YAP1: variants seen among roughly 807,000 people sequenced by gnomAD.
The protein encoded by YAP1 is transcriptional coactivator YAP1.
A neutral mutation model predicts 56.9 loss-of-function variants in YAP1; 5 were observed. The ratio of observed to expected loss-of-function variants is 0.09; its 90% CI spans 0.05 to 0.18. The LOEUF is 0.18. Ranked by LOEUF, YAP1 falls within the 10% of genes least tolerant of loss-of-function variation. The pLI, the probability that YAP1 is intolerant of heterozygous loss-of-function variation, is 1.00. For missense variants in YAP1, 539 were observed against 651.8 expected, an observed-to-expected ratio of 0.83 and a Z score of 1.88; for synonymous variants, 265 against 248.1, an observed-to-expected ratio of 1.07 and a Z score of -0.64.
At chr11:102,125,804 T>A (rs1944005376) in intron 2 of YAP1, among the ~76,000 whole-genome samples, 1 of 152,206 alleles carries the variant, frequency 6.6e-6, no homozygotes, top group Non-Finnish European at 1.5e-5. Flanking sequence ...TTATACTGTT[T>A]CTTTTTATAT....
intron 3 of YAP1, among the ~76,000 whole-genome samples, chr11:102,167,505 T>G (rs1591298137): frequency 1.3e-5 from 2 of 152,138 alleles, no homozygotes; most frequent in South Asian, 4.1e-4. Context: ...GAGGCCAAGG[T>G]GGGTGGATCA....
chr11:102,113,225 A>G (rs138421147), intron 1 of YAP1, among the ~76,000 whole-genome samples: 53 of 152,360 alleles, frequency 3.5e-4, no homozygotes, highest in Non-Finnish European at 7.1e-4. Context: ...TTTAAAAACT[A>G]TGCAAGATTA....
At chr11:102,129,881 C>T (rs558471511) in intron 2 of YAP1, among the ~76,000 whole-genome samples, 47 of 149,824 alleles carry the variant, frequency 3.1e-4, no homozygotes, top group African/African-American at 1.2e-3. Context: ...CAGCTCACTG[C>T]AACCTCCGCC....
chr11:102,223,041 C>T (rs529183129), intron 6 of YAP1, among the ~76,000 whole-genome samples: 2 of 151,560 alleles, frequency 1.3e-5, no homozygotes, highest in East Asian at 3.9e-4. Context: ...GTCAAGAGAT[C>T]GAGACCATCC....
intron 2 of YAP1, among the ~76,000 whole-genome samples, chr11:102,127,042 A>G (rs140487756): frequency 2.8e-4 from 42 of 152,366 alleles, no homozygotes; most frequent in African/African-American, 8.2e-4. Context: ...AAAGCATTCA[A>G]AAGGTGACTT....
chr11:102,136,798 T>C (rs541683624), intron 2 of YAP1, among the ~76,000 whole-genome samples: 25 of 152,264 alleles, frequency 1.6e-4, no homozygotes, highest in Non-Finnish European at 3.2e-4. Context: ...CCTCACTGAT[T>C]AGTGATTGCA....
At chr11:102,137,209 C>T (rs1347350891) in intron 2 of YAP1, among the ~76,000 whole-genome samples, 1 of 152,194 alleles carries the variant, frequency 6.6e-6, no homozygotes, top group Non-Finnish European at 1.5e-5. Flanking sequence ...GGACCTGAGG[C>T]AAGTCACATA....
chr11:102,217,316 T>C (rs1188402067), intron 6 of YAP1, among the ~76,000 whole-genome samples: 2 of 152,242 alleles, frequency 1.3e-5, no homozygotes, highest in Non-Finnish European at 2.9e-5. Flanking sequence ...GCAGTAAAAG[T>C]AGTCAGAAGT....
chr11:102,122,875 G>T (rs993214270), intron 2 of YAP1, among the ~76,000 whole-genome samples: 1 of 130,000 alleles, frequency 7.7e-6, no homozygotes. Flanking sequence ...TAGCCTGGGG[G>T]ACAAGAGCGA....
intron 8 of YAP1, 54 bp downstream of exon 8, chr11:102,227,635 C>T: frequency 8.5e-7 from 1 of 1,178,190 alleles, no homozygotes; most frequent in Non-Finnish European, 1.3e-6. Context: ...GATATGTTAT[C>T]ACCAGGTCTC....
intron 2 of YAP1, among the ~76,000 whole-genome samples, chr11:102,131,450 C>T (rs1394511315): frequency 6.6e-6 from 1 of 152,160 alleles, no homozygotes; most frequent in African/African-American, 2.4e-5. Flanking sequence ...TCTTGTTTGC[C>T]TTTTCATTGG....
At chr11:102,142,667 A>G (rs1318124639) in intron 2 of YAP1, among the ~76,000 whole-genome samples, 1 of 152,210 alleles carries the variant, frequency 6.6e-6, no homozygotes, top group Non-Finnish European at 1.5e-5. Flanking sequence ...GAAGTTTTGT[A>G]TGTGTCACTT....
Position 102,110,698 on chromosome 11 carries a change from G to C in YAP1, c.-151G>C, listed in dbSNP as rs1398657536. ...GCGCCGGGGCGGGGGATGCGGGGCC[G>C]CGGCGCAGCCCCCCGGCCCTGAGAG... On this transcript the variant is annotated 5_prime_UTR_variant, in exon 1 of 9. Coordinates refer to ENST00000282441, the MANE Select transcript of YAP1 (RefSeq NM_001130145.3). 5 of 607,288 alleles carry C rather than the reference G, an allele frequency of 8.2e-6. No homozygotes were observed. Among genetic ancestry groups the C allele is most frequent in the Non-Finnish European group, 1.1e-5 (5 of 445,556 alleles). The allele number at this position is 607,288 out of a possible 1,614,324, so 37.6% of individuals were successfully genotyped here. A position where few individuals can be genotyped will look rare whatever the true frequency, so the allele number is the denominator to read the frequency against.
At chr11:102,158,771 G>A (rs1018526311) in intron 2 of YAP1, among the ~76,000 whole-genome samples, 4 of 152,158 alleles carry the variant, frequency 2.6e-5, no homozygotes, top group Non-Finnish European at 4.4e-5. Context: ...CCTAAACTTT[G>A]AAGATAGGTA....
At position 102,110,868 on chromosome 11, in the gene YAP1, C is replaced by T. The variant is rs1025759993; in HGVS notation, c.20C>T (p.Pro7Leu). The T allele has an allele frequency of 2.8e-6, 4 of 1,416,224 alleles. No homozygotes were observed. The highest frequency in any genetic ancestry group is 3.0e-5 in the African/African-American group (2 of 66,854). 87.7% of individuals were successfully genotyped at this position (1,416,224 alleles called of 1,614,324 possible). The change falls in exon 1 of 9, where the codon CCG becomes CTG. Residue 7 changes from proline (P) to leucine (L), a missense_variant. Physicochemically the swap from Pro to Leu is moderately conservative, Grantham distance 98 (BLOSUM62 -3). Transcript: ENST00000282441. MDPGQQ[P>L]PPQPAPQGQG... ...GAAGCCATGGATCCCGGGCAGCAGC[C>T]GCCGCCTCAACCGGCCCCCCAGGGC... is the stretch of plus-strand genomic sequence containing the variant.
intron 4 of YAP1, among the ~76,000 whole-genome samples, chr11:102,188,638 A>G (rs1006770223): frequency 3.3e-5 from 4 of 122,168 alleles, no homozygotes; most frequent in African/African-American, 1.0e-4. Context: ...AGTGTTCAGC[A>G]CACTAACAGG....
chr11:102,174,149 A>G (rs1056416134), intron 3 of YAP1, among the ~76,000 whole-genome samples: 1 of 152,228 alleles, frequency 6.6e-6, no homozygotes, highest in African/African-American at 2.4e-5. Flanking sequence ...TTAAATCCAT[A>G]GAAATATCCT....
intron 2 of YAP1, among the ~76,000 whole-genome samples, chr11:102,128,655 T>C (rs1324296962): frequency 6.6e-6 from 1 of 152,242 alleles, no homozygotes; most frequent in Non-Finnish European, 1.5e-5. Context: ...TTTTTGCATG[T>C]TAGATTTTCT....
chr11:102,210,688 G>C (rs933174205), intron 6 of YAP1, among the ~76,000 whole-genome samples: 1 of 152,088 alleles, frequency 6.6e-6, no homozygotes, highest in South Asian at 2.1e-4. Flanking sequence ...TCTTTATAAC[G>C]TGAAGCCATT....
Sources: allele counts gnomAD v4.1 joint callset (sites outside exome capture counted in the v4.1 genomes callset), GRCh38; gene constraint gnomAD v4.1.1; transcripts MANE v1.5; gene names NCBI Gene and HGNC (gene_info 2026-07-23, HGNC 2026-07-21).